Variants in FRAS1 observed in about 807,000 individuals in gnomAD.
FRAS1 encodes Fraser extracellular matrix complex subunit 1.
A neutral mutation model predicts 435.2 loss-of-function variants in FRAS1; 290 were observed. The observed-to-expected ratio is 0.67, with a 90% CI of 0.61 to 0.73. The LOEUF (loss-of-function observed/expected upper bound fraction) is 0.73. FRAS1 is among the 30% of genes least tolerant of loss of function. The pLI, the probability that FRAS1 is intolerant of heterozygous loss-of-function variation, is 0.00. For synonymous variants in FRAS1, 1,800 were observed against 1,851.0 expected (o/e 0.97, Z 0.71); for missense variants, 4,860 against 5,001.5 (o/e 0.97, Z 0.85).
rs1241058448 is a variant in FRAS1 at position 78,108,961 on chromosome 4, C to T, written c.108+42945C>T. Among the ~76,000 whole-genome samples the T allele has an allele frequency of 8.6e-4, 77 of 89,316 alleles. 3 individuals carry two copies. The highest frequency in any genetic ancestry group is 0.01 in the Middle Eastern group (2 of 192). The allele number at this position is 89,316 out of a possible 152,430, so 58.6% of individuals were successfully genotyped here. On this transcript the variant is annotated intron_variant, in intron 2 of 73. Transcript: ENST00000512123. ...AAATACAAACTACCATCAGAGAATA[C>T]TACAAACACCTCTACGCAAATAAAC...
At chr4:78,415,585 A>G (rs1022660139) in intron 32 of FRAS1, among the ~76,000 whole-genome samples, 2 of 152,174 alleles carry the variant, frequency 1.3e-5, no homozygotes, top group African/African-American at 4.8e-5. Flanking sequence ...TTGAGGAGCA[A>G]CAGGTGAAAA....
chr4:78,481,550 GCT>G (rs931556041), intron 56 of FRAS1, among the ~76,000 whole-genome samples: 1 of 152,120 alleles, frequency 6.6e-6, no homozygotes, highest in Non-Finnish European at 1.5e-5. Flanking sequence ...TCCCCTAAGG[GCT>G]CTCTCCAGCA....
chr4:78,488,584 A>G (rs1720245180), intron 58 of FRAS1, among the ~76,000 whole-genome samples: 1 of 152,210 alleles, frequency 6.6e-6, no homozygotes, highest in Admixed American at 6.5e-5. Flanking sequence ...ATTGACTTGC[A>G]TTACCTGCTC....
Position 78,298,003 on chromosome 4 carries a change from C to CCTCTCTCT in FRAS1, c.1535-10042_1535-10035dup, listed in dbSNP as rs765903880. ...GGGAAGATGGGTATGTTAATTTGTT[C>CCTCTCTCT]CTCTCTCTCTCTCTCTCTCTCTCTC... is the stretch of plus-strand genomic sequence containing the variant. On this transcript the variant is annotated intron_variant, in intron 14 of 73. Transcript: ENST00000512123. Among the ~76,000 whole-genome samples the CCTCTCTCT allele has an allele frequency of 6.5e-3, 777 of 119,140 alleles. 7 individuals carry two copies. Among genetic ancestry groups the CCTCTCTCT allele is most frequent in the Admixed American group, 0.03 (342 of 11,240 alleles). 78.2% of individuals were successfully genotyped at this position (119,140 alleles called of 152,430 possible).
At position 78,315,833 on chromosome 4, in the gene FRAS1, G is replaced by A. The variant is rs1186373777; in HGVS notation, c.1819+99G>A. Reference sequence around the variant, plus strand: ...TGCTAATTTGGGAACTCGAGTGTATGATGGGAAAGCATAACTTTAAAAGAT... The same window carrying A: ...TGCTAATTTGGGAACTCGAGTGTATAATGGGAAAGCATAACTTTAAAAGAT... On this transcript the variant is annotated intron_variant, in intron 16 of 73. Coordinates refer to ENST00000512123, the MANE Select transcript of FRAS1 (RefSeq NM_025074.7). 12 of 1,278,238 alleles carry A rather than the reference G, an allele frequency of 9.4e-6. No individual in the cohort carries two copies. The Admixed American group carries it at 9.6e-5, about 10-fold the overall frequency. 79.2% of individuals were successfully genotyped at this position (1,278,238 alleles called of 1,614,324 possible).
At chr4:78,121,420 CCTGATTAGGGTGAGGGGTGTTGGCA>C (rs1719017150) in intron 2 of FRAS1, among the ~76,000 whole-genome samples, 1 of 152,114 alleles carries the variant, frequency 6.6e-6, no homozygotes, top group African/African-American at 2.4e-5. Context: ...CAGTGAGAAC[CCTGATTAGGGTGAGGGGTGTTGGCA>C]CAGTGCTGGG....
intron 15 of FRAS1, among the ~76,000 whole-genome samples, chr4:78,310,659 T>C (rs540251159): frequency 1.5e-4 from 23 of 152,368 alleles, no homozygotes; most frequent in African/African-American, 5.3e-4. Flanking sequence ...TTACGCGTTT[T>C]ATAAAATTGT....
chr4:78,357,269 C>T (rs768617576), intron 20 of FRAS1, among the ~76,000 whole-genome samples: 1 of 152,188 alleles, frequency 6.6e-6, no homozygotes, highest in Non-Finnish European at 1.5e-5. Context: ...CTGTAGCATT[C>T]TACAGGACGT....
At chr4:78,506,202 G>GGTCAGGGACCCACTTGAGGA (rs1356585825) in intron 61 of FRAS1, among the ~76,000 whole-genome samples, 2 of 152,224 alleles carry the variant, frequency 1.3e-5, no homozygotes, top group African/African-American at 2.4e-5. Flanking sequence ...GCTACACAGG[G>GGTCAGGGACCCACTTGAGGA]GTCAGGGACC....
At chr4:78,279,183 C>G (rs1201883593) in intron 10 of FRAS1, among the ~76,000 whole-genome samples, 1 of 152,060 alleles carries the variant, frequency 6.6e-6, no homozygotes. Context: ...GGAAACATAC[C>G]AGGAATAGGG....
intron 9 of FRAS1, among the ~76,000 whole-genome samples, chr4:78,275,349 C>T (rs1726946578): frequency 1.3e-5 from 2 of 152,126 alleles, no homozygotes; most frequent in South Asian, 2.1e-4. Flanking sequence ...GAATTTGATC[C>T]TGTCATTATG....
rs959759350 is a variant in FRAS1, at chr4:78,455,904, G to A, written c.6763+3550G>A. On this transcript the variant is annotated intron_variant, in intron 47 of 73. Coordinates refer to ENST00000512123, the MANE Select transcript of FRAS1 (RefSeq NM_025074.7). ...AGAAGCTAAGCTGCTGGACCAAGGA[G>A]ACCCCAAAATATAATGACTTCAACA... Among the ~76,000 whole-genome samples the A allele has an allele frequency of 5.3e-5, 8 of 152,244 alleles. No homozygotes were observed. The East Asian group carries it at 9.7e-4, about 18-fold the overall frequency.
chr4:78,163,804 G>T (rs765366831), intron 2 of FRAS1, among the ~76,000 whole-genome samples: 54 of 152,318 alleles, frequency 3.5e-4, no homozygotes, highest in Admixed American at 1.2e-3. Context: ...GCCTTGGACT[G>T]TTAGAAGTTT....
intron 19 of FRAS1, among the ~76,000 whole-genome samples, chr4:78,335,891 C>T (rs1393643463): frequency 6.9e-6 from 1 of 144,582 alleles, no homozygotes; most frequent in Non-Finnish European, 1.5e-5. Flanking sequence ...TATTGTAGCA[C>T]CGTGTGTGGT....
At chr4:78,412,440 A>G (rs1476907978) in intron 31 of FRAS1, among the ~76,000 whole-genome samples, 1 of 152,254 alleles carries the variant, frequency 6.6e-6, no homozygotes. Flanking sequence ...GAATGTTACT[A>G]ATCTTGCCCT....
At chr4:78,508,242 C>T (rs1042837427) in intron 62 of FRAS1, among the ~76,000 whole-genome samples, 13 of 152,112 alleles carry the variant, frequency 8.5e-5, no homozygotes, top group Non-Finnish European at 1.6e-4. Context: ...CAGAAGAAGC[C>T]TTCTGACTTC....
intron 2 of FRAS1, among the ~76,000 whole-genome samples, chr4:78,132,285 A>G (rs1719719396): frequency 6.6e-6 from 1 of 152,224 alleles, no homozygotes; most frequent in Non-Finnish European, 1.5e-5. Context: ...TCAATTGAGA[A>G]TTAGCTTAGT....
intron 2 of FRAS1, chr4:78,181,579 C>A: frequency 6.2e-7 from 1 of 1,611,544 alleles, no homozygotes. Context: ...GGTCAATAAT[C>A]GGTCTATCAA....
intron 52 of FRAS1, 31 bp downstream of exon 52, chr4:78,472,361 A>G (rs768929897): frequency 3.2e-6 from 5 of 1,556,314 alleles, no homozygotes; most frequent in South Asian, 1.2e-5. Flanking sequence ...TAGAAATGGG[A>G]GAAATCTATG....
Sources: allele counts gnomAD v4.1 joint callset (sites outside exome capture counted in the v4.1 genomes callset), GRCh38; gene constraint gnomAD v4.1.1; transcripts MANE v1.5; gene names NCBI Gene and HGNC (gene_info 2026-07-23, HGNC 2026-07-21).